Variants in FSTL5 observed in about 807,000 individuals in gnomAD.
The protein encoded by FSTL5 is follistatin-related protein 5.
A neutral mutation model predicts 89.1 loss-of-function variants in FSTL5; 62 were observed. The observed-to-expected ratio is 0.70, with a 90% CI of 0.57 to 0.86. The LOEUF (loss-of-function observed/expected upper bound fraction) is 0.86. FSTL5 is among the 40% of genes least tolerant of loss of function. FSTL5 has a pLI of 0.00. For synonymous variants in FSTL5, 383 were observed against 346.2 expected (o/e 1.11, Z -1.18); for missense variants, 1,057 against 1,001.6 (o/e 1.06, Z -0.75).
chr4:161,442,308 A>G (rs1440297347), intron 15 of FSTL5, among the ~76,000 whole-genome samples: 2 of 152,094 alleles, frequency 1.3e-5, no homozygotes, highest in Non-Finnish European at 2.9e-5. Context: ...TATGTGCCAT[A>G]GAGATAGATG....
chr4:161,928,787 G>A (rs2110887182), intron 3 of FSTL5, among the ~76,000 whole-genome samples: 1 of 151,744 alleles, frequency 6.6e-6, no homozygotes, highest in African/African-American at 2.4e-5. Context: ...TGTATATTTT[G>A]TGTACCAGTC....
intron 13 of FSTL5, among the ~76,000 whole-genome samples, chr4:161,469,048 C>A (rs772685922): frequency 1.2e-4 from 19 of 152,080 alleles, no homozygotes; most frequent in Non-Finnish European, 8.8e-5. Flanking sequence ...TAAAATGGAA[C>A]CATTATAGTC....
At chr4:161,429,656 G>A (rs911323397) in intron 15 of FSTL5, among the ~76,000 whole-genome samples, 1 of 152,202 alleles carries the variant, frequency 6.6e-6, no homozygotes, top group African/African-American at 2.4e-5. Flanking sequence ...TGAGCTTGGG[G>A]TTCTCTCTAA....
chr4:162,002,911 G>A (rs990696882), intron 3 of FSTL5, among the ~76,000 whole-genome samples: 36 of 151,976 alleles, frequency 2.4e-4, no homozygotes, highest in Admixed American at 2.4e-3. Context: ...TTGGGAGGCC[G>A]AGGCGGGCAG....
intron 6 of FSTL5, among the ~76,000 whole-genome samples, chr4:161,756,572 T>C (rs1740578822): frequency 6.6e-6 from 1 of 152,288 alleles, no homozygotes; most frequent in Non-Finnish European, 1.5e-5. Flanking sequence ...TTTAGATTTC[T>C]GACTTGTAAA....
At chr4:161,575,453 T>C (rs1377141820) in intron 8 of FSTL5, among the ~76,000 whole-genome samples, 1 of 151,782 alleles carries the variant, frequency 6.6e-6, no homozygotes, top group African/African-American at 2.4e-5. Flanking sequence ...CCAGGTTTTC[T>C]TTTTTTTCTT....
At chr4:161,800,649 C>A (rs928884390) in intron 4 of FSTL5, among the ~76,000 whole-genome samples, 2 of 151,404 alleles carry the variant, frequency 1.3e-5, no homozygotes, top group African/African-American at 2.4e-5. Flanking sequence ...ATAAATTACC[C>A]CTTCTAAGTG....
intron 3 of FSTL5, among the ~76,000 whole-genome samples, chr4:161,994,803 G>A (rs968258060): frequency 6.6e-6 from 1 of 152,112 alleles, no homozygotes; most frequent in Non-Finnish European, 1.5e-5. Flanking sequence ...TGCACAGTTT[G>A]CAAAAGTTTT....
At chr4:161,934,657 G>A (rs1423717908) in intron 3 of FSTL5, among the ~76,000 whole-genome samples, 1 of 151,678 alleles carries the variant, frequency 6.6e-6, no homozygotes, top group Admixed American at 6.6e-5. Flanking sequence ...TTTCTCATCT[G>A]TAAAATGGAG....
chr4:161,416,226 G>A (rs906566788), intron 15 of FSTL5, among the ~76,000 whole-genome samples: 2 of 152,068 alleles, frequency 1.3e-5, no homozygotes, highest in South Asian at 2.1e-4. Flanking sequence ...GAGTATGAAA[G>A]GTTAAATGTA....
intron 1 of FSTL5, among the ~76,000 whole-genome samples, chr4:162,113,130 C>A (rs1054253964): frequency 4.6e-5 from 7 of 152,226 alleles, no homozygotes; most frequent in African/African-American, 1.7e-4. Flanking sequence ...CACACCCAAC[C>A]TCTAGATTGG....
At chr4:161,454,884 A>G (rs1181796223) in intron 15 of FSTL5, 120 bp downstream of exon 15, 2 of 874,834 alleles carry the variant, frequency 2.3e-6, no homozygotes, top group Non-Finnish European at 3.5e-6. Context: ...ACAAAGCTAA[A>G]GCAAGTTCAA....
intron 3 of FSTL5, among the ~76,000 whole-genome samples, chr4:161,942,285 A>G (rs2110926674): frequency 7.2e-6 from 1 of 139,022 alleles, no homozygotes; most frequent in African/African-American, 2.7e-5. Flanking sequence ...TTAGGACAGT[A>G]ATAAATCAGA....
chr4:162,072,563 T>C (rs956042397), intron 2 of FSTL5, among the ~76,000 whole-genome samples: 1 of 151,814 alleles, frequency 6.6e-6, no homozygotes, highest in African/African-American at 2.4e-5. Flanking sequence ...AGTTTTATAA[T>C]TAGATAACAA....
At chr4:161,892,993 A>G (rs188555902) in intron 4 of FSTL5, among the ~76,000 whole-genome samples, 2 of 152,174 alleles carry the variant, frequency 1.3e-5, no homozygotes, top group African/African-American at 4.8e-5. Flanking sequence ...TTAGAAAGAT[A>G]CAAGTGAGTG....
In FSTL5 at chr4:161,759,298, T is replaced by C. The variant is rs73860714; in HGVS notation, c.727+113A>G. ...CTTGAAACTTAAATTCACTAAATTA[T>C]ATAATTTTTCTTAAGAAACAGCTTG... On this transcript the variant is annotated intron_variant, in intron 6 of 15. Transcript: ENST00000306100. The C allele has an allele frequency of 0.067, 65,604 of 972,566 alleles. 5,517 individuals carry two copies. The highest frequency in any genetic ancestry group is 0.35 in the African/African-American group (20,201 of 57,990). The allele number at this position is 972,566 out of a possible 1,614,324, so 60.2% of individuals were successfully genotyped here. A position where few individuals can be genotyped will look rare whatever the true frequency, so the allele number is the denominator to read the frequency against.
intron 1 of FSTL5, among the ~76,000 whole-genome samples, chr4:162,161,150 G>A (rs925478819): frequency 6.6e-6 from 1 of 151,902 alleles, no homozygotes; most frequent in African/African-American, 2.4e-5. Context: ...TGTCTGTAAT[G>A]AAATGAGTTA....
At chr4:162,026,958 T>C (rs545666767) in intron 3 of FSTL5, among the ~76,000 whole-genome samples, 54 of 152,206 alleles carry the variant, frequency 3.5e-4, no homozygotes, top group South Asian at 2.7e-3. Flanking sequence ...AATGATCCAT[T>C]GGATAAGAAA....
At chr4:162,000,225 T>G (rs2111103101) in intron 3 of FSTL5, among the ~76,000 whole-genome samples, 1 of 152,312 alleles carries the variant, frequency 6.6e-6, no homozygotes, top group East Asian at 1.9e-4. Context: ...TTCTTTTTTA[T>G]TAAACCACTT....
Sources: allele counts gnomAD v4.1 joint callset (sites outside exome capture counted in the v4.1 genomes callset), GRCh38; gene constraint gnomAD v4.1.1; transcripts MANE v1.5; gene names NCBI Gene and HGNC (gene_info 2026-07-23, HGNC 2026-07-21).